ATP5F1B: variants seen among roughly 807,000 people sequenced by gnomAD.
ATP5F1B encodes ATP synthase F1 subunit beta.
A neutral mutation model predicts 45.9 loss-of-function variants in ATP5F1B; 17 were observed. The ratio of observed to expected loss-of-function variants is 0.37; its 90% CI spans 0.25 to 0.56. ATP5F1B has a LOEUF of 0.56. Ranked by LOEUF, ATP5F1B falls within the 20% of genes least tolerant of loss-of-function variation. The pLI is 0.80. For synonymous variants in ATP5F1B, 218 were observed against 256.5 expected (o/e 0.85, Z 1.43); for missense variants, 387 against 673.2 (o/e 0.57, Z 4.70).
At chr12:56,640,928 A>G (rs1951507407) in intron 7 of ATP5F1B, among the ~76,000 whole-genome samples, 1 of 151,460 alleles carries the variant, frequency 6.6e-6, no homozygotes, top group South Asian at 2.1e-4. Flanking sequence ...GCATGCCTGT[A>G]ATCCCAGCTA....
intron 7 of ATP5F1B, among the ~76,000 whole-genome samples, chr12:56,641,229 G>A (rs1287333321): frequency 6.6e-6 from 1 of 151,624 alleles, no homozygotes; most frequent in Non-Finnish European, 1.5e-5. Context: ...ACCGGGCCTG[G>A]TGTCGGGCAC....
chr12:56,644,235 C>G (rs1951533969), intron 3 of ATP5F1B, among the ~76,000 whole-genome samples: 2 of 152,154 alleles, frequency 1.3e-5, no homozygotes. Context: ...TAACAGCATT[C>G]CCTCACATAG....
intron 7 of ATP5F1B, among the ~76,000 whole-genome samples, chr12:56,641,292 G>A (rs1434605963): frequency 6.6e-6 from 1 of 150,738 alleles, no homozygotes; most frequent in African/African-American, 2.4e-5. Flanking sequence ...CTGAACCCAG[G>A]AGGAGGTTGC....
chr12:56,639,948 C>G, intron 8 of ATP5F1B, 32 bp downstream of exon 8: 1 of 1,609,354 alleles, frequency 6.2e-7, no homozygotes, highest in South Asian at 1.1e-5. Flanking sequence ...TTTGACTTTC[C>G]GGACACTGAT....
At chr12:56,641,581 G>A (rs1185251832) in intron 7 of ATP5F1B, among the ~76,000 whole-genome samples, 2 of 150,518 alleles carry the variant, frequency 1.3e-5, no homozygotes, top group South Asian at 2.1e-4. Context: ...TCACTCTGCC[G>A]CCCAGGCTGG....
Position 56,645,877 on chromosome 12 carries a change from A to C in ATP5F1B, c.87T>G (p.Ala29=). The C allele has an allele frequency of 3.1e-6, 5 of 1,608,742 alleles. No homozygotes were observed. The highest frequency in any genetic ancestry group is 4.2e-6 in the Non-Finnish European group (5 of 1,177,860). ...TCGGAGCGGCCCGCAGTAAGAGCTG[A>C]GCTGGGGGCAGCGACGCTGAAGGGG... ...RLTPSASLPP[A]QLLLRAAPTA... is the part of the protein sequence containing the mutation. The change falls in exon 1 of 10, where the codon GCT becomes GCG. Residue 29 remains alanine, a synonymous_variant. Transcript: ENST00000262030.
chr12:56,642,923 C>G lies in ATP5F1B; in HGVS notation c.793-92G>C. ...CAAATCGGAGAAACGACCACAGATC[C>G]TTTCTCAGAAGGTGTCAGCGTTTTT... On this transcript the variant is annotated intron_variant, in intron 5 of 9. Coordinates refer to ENST00000262030, the MANE Select transcript of ATP5F1B (RefSeq NM_001686.4). 5.7e-6 allele frequency: 8 copies of G among 1,414,428 alleles called. No homozygotes were observed. The South Asian group carries it at 1.0e-4, about 19-fold the overall frequency. 87.6% of individuals were successfully genotyped at this position (1,414,428 alleles called of 1,614,324 possible).
Position 56,642,668 on chromosome 12 carries a change from C to G in ATP5F1B, c.951+5G>C. 6.2e-7 allele frequency: 1 copy of G among 1,614,138 alleles called. No individual in the cohort carries two copies. The highest frequency in any genetic ancestry group is 8.5e-7 in the Non-Finnish European group (1 of 1,180,000). Reference sequence around the variant, plus strand: ...AACCAGGTCCTCTCAAGCCTTCCCTCTTACCTCTGAACCAGCCTGGGTGAA... The same window carrying G: ...AACCAGGTCCTCTCAAGCCTTCCCTGTTACCTCTGAACCAGCCTGGGTGAA... On this transcript the variant is annotated splice_donor_5th_base_variant and intron_variant, in intron 6 of 9. Transcript: ENST00000262030.
rs201550426 is a variant in ATP5F1B at position 56,644,963 on chromosome 12, A to G, written c.311-8T>C. The G allele has an allele frequency of 8.1e-5, 131 of 1,614,010 alleles. No homozygotes were observed. Among genetic ancestry groups the G allele is most frequent in the Admixed American group, 2.0e-4 (12 of 60,002 alleles). ...TCCTTACTGTGCTCTCACCTGTTAG[A>G]TACAGGCATCGCAGGGTTATACATA... On this transcript the variant is annotated splice_region_variant and splice_polypyrimidine_tract_variant and intron_variant, in intron 2 of 9. Coordinates refer to ENST00000262030, the MANE Select transcript of ATP5F1B (RefSeq NM_001686.4).
At chr12:56,643,791 T>C in intron 4 of ATP5F1B, 46 bp downstream of exon 4, 1 of 1,611,106 alleles carries the variant, frequency 6.2e-7, no homozygotes, top group Non-Finnish European at 8.5e-7. Context: ...TATGAGTTTT[T>C]CCTCCCATAT....
intron 5 of ATP5F1B, 75 bp downstream of exon 5, chr12:56,643,328 T>G (rs1394046853): frequency 7.6e-7 from 1 of 1,323,632 alleles, no homozygotes; most frequent in African/African-American, 1.5e-5. Flanking sequence ...AAATAGAAAA[T>G]ATAGAACATG....
chr12:56,639,710 G>A lies in ATP5F1B; in HGVS notation c.1287+270C>T, dbSNP rs1951497993. ...CGCTTGAACCTGGGAGGCGGAGGTTGCAGTGAGCCGAGATGGCACCACTGC... is the reference window on the plus strand; with the variant it reads ...CGCTTGAACCTGGGAGGCGGAGGTTACAGTGAGCCGAGATGGCACCACTGC... On this transcript the variant is annotated intron_variant, in intron 8 of 9. Transcript: ENST00000262030. Among the ~76,000 whole-genome samples, 3 of 151,362 alleles carry A rather than the reference G, an allele frequency of 2.0e-5. No homozygotes were observed. In the South Asian group the frequency reaches 6.3e-4, roughly 32 times the overall value.
At position 56,643,415 on chromosome 12, in the gene ATP5F1B, A is replaced by G; in HGVS notation, c.780T>C (p.Asp260=). Residue 260 remains aspartate, a synonymous_variant, in exon 5 of 10, where the codon GAT becomes GAC. Transcript: ENST00000262030. ...MIESGVINLK[D]ATSKVALVYG... is the part of the protein sequence containing the mutation. ...GCTCAATGCTTACCTTAGAGGTGGC[A>G]TCTTTTAAGTTGATAACACCAGATT... 6.2e-7 allele frequency: 1 copy of G among 1,614,192 alleles called. No homozygotes were observed. Among genetic ancestry groups the G allele is most frequent in the Non-Finnish European group, 8.5e-7 (1 of 1,180,014 alleles).
rs143747283 is a variant in ATP5F1B at position 56,644,983 on chromosome 12, T to C, written c.311-28A>G. On this transcript the variant is annotated intron_variant, in intron 2 of 9. Transcript: ENST00000262030. ...GTTAGATACAGGCATCGCAGGGTTA[T>C]ACATAAGGATAAATTGGTATCAAGA... 1.9e-4 allele frequency: 303 copies of C among 1,614,200 alleles called. No individual in the cohort carries two copies. In the African/African-American group the frequency reaches 2.3e-3, roughly 12 times the overall value.
At chr12:56,642,874 G>A (rs1440761991) in intron 5 of ATP5F1B, 43 bp from the exon 6 acceptor site, 2 of 1,606,686 alleles carry the variant, frequency 1.2e-6, no homozygotes, top group Admixed American at 3.4e-5. Context: ...CAAAGGAGTA[G>A]AGAAGCCACA....
In ATP5F1B at chr12:56,638,260, C is replaced by G. The variant is rs1062544; in HGVS notation, c.*63G>C. Reference sequence around the variant, plus strand: ...AATCAAGGCTCTTGTGCAGCCTACACAGAAAAATGAAGCTTTTTGGGTTAG... The same window carrying G: ...AATCAAGGCTCTTGTGCAGCCTACAGAGAAAAATGAAGCTTTTTGGGTTAG... On this transcript the variant is annotated 3_prime_UTR_variant, in exon 10 of 10. Coordinates refer to ENST00000262030, the MANE Select transcript of ATP5F1B (RefSeq NM_001686.4). 7.1e-7 allele frequency: 1 copy of G among 1,404,252 alleles called. No homozygotes were observed. The highest frequency in any genetic ancestry group is 1.8e-5 in the Admixed American group (1 of 54,678). The allele number at this position is 1,404,252 out of a possible 1,614,324, so 87.0% of individuals were successfully genotyped here.
Position 56,638,472 on chromosome 12 carries a change from C to T in ATP5F1B, c.1490-49G>A, listed in dbSNP as rs536045113. ...AAAAGAGTAAGAAGCGGAGGGATAT[C>T]AACTTTCTGCATCATGTAACATTCC... On this transcript the variant is annotated intron_variant, in intron 9 of 9. Coordinates refer to ENST00000262030, the MANE Select transcript of ATP5F1B (RefSeq NM_001686.4). 5.1e-6 allele frequency: 7 copies of T among 1,370,620 alleles called. No homozygotes were observed. The South Asian group carries it at 7.1e-5, about 14-fold the overall frequency. The allele number at this position is 1,370,620 out of a possible 1,614,324, so 84.9% of individuals were successfully genotyped here.
intron 8 of ATP5F1B, 127 bp from the exon 9 acceptor site, chr12:56,639,434 G>A: frequency 1.2e-6 from 1 of 836,228 alleles, no homozygotes; most frequent in East Asian, 2.7e-5. Context: ...AGCCAAGAAA[G>A]ATCAGTGTCT....
Position 56,645,899 on chromosome 12 carries a change from G to A in ATP5F1B, c.65C>T (p.Pro22Leu), listed in dbSNP as rs1300115023. 2 of 1,608,404 alleles carry A rather than the reference G, an allele frequency of 1.2e-6. No homozygotes were observed. Among genetic ancestry groups the A allele is most frequent in the Non-Finnish European group, 1.7e-6 (2 of 1,177,812 alleles). The change falls in exon 1 of 10, where the codon CCT becomes CTT. Residue 22 changes from proline to leucine, a missense_variant. Physicochemically the swap from Pro to Leu is moderately conservative, Grantham distance 98 (BLOSUM62 -3). Around this residue, in one of 6 missense-constraint regions of ATP5F1B, gnomAD observed 76 missense variants for 62.0 expected, o/e 1.23. Transcript: ENST00000262030. ...PASGALRRLT[P>L]SASLPPAQLL... The stretch of plus-strand genomic sequence containing the variant: ...CTGAGCTGGGGGCAGCGACGCTGAA[G>A]GGGTGAGTCTCCGCAAGGCCCCGGA...
Sources: gnomAD v4.1 joint callset for allele counts (sites outside exome capture counted in the v4.1 genomes callset) on GRCh38, gnomAD v4.1.1 for gene constraint, gnomAD v4.1.1 regional missense constraint, MANE v1.5 for transcripts, NCBI Gene and HGNC (gene_info 2026-07-23, HGNC 2026-07-21) for gene names.